The following PTPRO variants were observed in gnomAD, a reference collection of about 807,000 sequenced individuals.
PTPRO encodes the protein receptor-type tyrosine-protein phosphatase O.
A neutral mutation model predicts 145.2 loss-of-function variants in PTPRO; 62 were observed. The ratio of observed to expected loss-of-function variants is 0.43; its 90% CI spans 0.35 to 0.53. PTPRO has a LOEUF of 0.53. Ranked by LOEUF, PTPRO falls within the 20% of genes least tolerant of loss-of-function variation. The pLI is 0.01. For synonymous variants in PTPRO, 565 were observed against 514.7 expected, an observed-to-expected ratio of 1.10 and a Z score of -1.32; for missense variants, 1,345 against 1,482.7, an observed-to-expected ratio of 0.91 and a Z score of 1.53.
Position 15,477,731 on chromosome 12 carries a change from A to T in PTPRO, c.76-6243A>T, listed in dbSNP as rs75522115. Among the ~76,000 whole-genome samples the T allele has an allele frequency of 5.1e-3, 783 of 152,188 alleles. 56 individuals carry two copies. In the East Asian group the frequency reaches 0.14, roughly 27 times the overall value. On this transcript the variant is annotated intron_variant, in intron 1 of 26. Transcript: ENST00000281171. The stretch of plus-strand genomic sequence containing the variant: ...CAGCCCACCAGGACAGGGGCTGATG[A>T]CTTCACTAGACAGTCAAGTGCTCCC...
chr12:15,476,455 C>G (rs1386369631), intron 1 of PTPRO, among the ~76,000 whole-genome samples: 1 of 151,540 alleles, frequency 6.6e-6, no homozygotes, highest in Non-Finnish European at 1.5e-5. Flanking sequence ...ATTGTAGATT[C>G]TGGATATTAG....
intron 1 of PTPRO, among the ~76,000 whole-genome samples, chr12:15,468,267 G>C (rs253819): frequency 0.021 from 3,185 of 152,244 alleles, 120 homozygotes; most frequent in East Asian, 0.14. Flanking sequence ...ACATCATAAA[G>C]TTTTTGCTTC....
intron 1 of PTPRO, among the ~76,000 whole-genome samples, chr12:15,385,681 A>T (rs1368769306): frequency 6.6e-6 from 1 of 151,910 alleles, no homozygotes; most frequent in African/African-American, 2.4e-5. Flanking sequence ...CCATGGTGGC[A>T]TGTGCCTGTT....
chr12:15,578,954 C>A lies in PTPRO; in HGVS notation c.2920+11C>A. Reference sequence around the variant, plus strand: ...CAAACATCCTACCATGTAAGATCGTCAATTGTGCCAATAACACTCATGTCT... The same window carrying A: ...CAAACATCCTACCATGTAAGATCGTAAATTGTGCCAATAACACTCATGTCT... On this transcript the variant is annotated intron_variant, in intron 20 of 26. Transcript: ENST00000281171. 6.5e-7 allele frequency: 1 copy of A among 1,542,526 alleles called. No homozygotes were observed. Among genetic ancestry groups the A allele is most frequent in the Non-Finnish European group, 9.0e-7 (1 of 1,115,058 alleles).
chr12:15,336,248 T>C (rs898922755), intron 1 of PTPRO, among the ~76,000 whole-genome samples: 2 of 151,834 alleles, frequency 1.3e-5, no homozygotes, highest in Non-Finnish European at 1.5e-5. Context: ...AAAAAAGGTA[T>C]AAAACTTCCC....
intron 1 of PTPRO, among the ~76,000 whole-genome samples, chr12:15,356,948 T>C (rs769890534): frequency 6.6e-6 from 1 of 152,214 alleles, no homozygotes; most frequent in Non-Finnish European, 1.5e-5. Flanking sequence ...AGATAATTGC[T>C]GTTTTCAGCT....
intron 1 of PTPRO, among the ~76,000 whole-genome samples, chr12:15,347,609 C>T (rs996579871): frequency 6.6e-6 from 1 of 152,192 alleles, no homozygotes; most frequent in Admixed American, 6.5e-5. Flanking sequence ...TTGGCACATA[C>T]AGACACTCAG....
chr12:15,481,711 A>G (rs2136435081), intron 1 of PTPRO, among the ~76,000 whole-genome samples: 1 of 152,330 alleles, frequency 6.6e-6, no homozygotes, highest in South Asian at 2.1e-4. Context: ...TTAAGACAGA[A>G]TTAAATTTGT....
Position 15,513,149 on chromosome 12 carries a change from AAGAAAGAAAAAGAAAG to A in PTPRO, c.1465-2347_1465-2332del, listed in dbSNP as rs1942488943. On this transcript the variant is annotated intron_variant, in intron 7 of 26. Transcript: ENST00000281171. ...GAAGGAAGGAAGGAAGGAAGAAAGA[AAGAAAGAAAAAGAAAG>A]AAAGAAAGAAAGAAAGAAAGAAAGA... Among the ~76,000 whole-genome samples, 2 of 33,430 alleles carry A rather than the reference AAGAAAGAAAAAGAAAG, an allele frequency of 6.0e-5. 1 individual carries two copies. Among genetic ancestry groups the A allele is most frequent in the African/African-American group, 2.3e-4 (2 of 8,528 alleles). The allele number at this position is 33,430 out of a possible 152,430, so 21.9% of individuals were successfully genotyped here. A position where few individuals can be genotyped will look rare whatever the true frequency, so the allele number is the denominator to read the frequency against.
At chr12:15,354,058 T>C (rs1194419462) in intron 1 of PTPRO, among the ~76,000 whole-genome samples, 2 of 152,146 alleles carry the variant, frequency 1.3e-5, no homozygotes, top group Non-Finnish European at 2.9e-5. Context: ...ATGTCTATGG[T>C]GTTGGCTATT....
chr12:15,569,373 C>G lies in PTPRO; in HGVS notation c.2748-44C>G, dbSNP rs1287764010. 4.0e-6 allele frequency: 6 copies of G among 1,481,952 alleles called. No homozygotes were observed. The Admixed American group carries it at 5.0e-5, about 12-fold the overall frequency. The allele number at this position is 1,481,952 out of a possible 1,614,324, so 91.8% of individuals were successfully genotyped here. A position where few individuals can be genotyped will look rare whatever the true frequency, so the allele number is the denominator to read the frequency against. Reference sequence around the variant, plus strand: ...TTAAACAATATATAATACCTATCAACAAGAATTTTAAAATGTATGTATATT... The same window carrying G: ...TTAAACAATATATAATACCTATCAAGAAGAATTTTAAAATGTATGTATATT... On this transcript the variant is annotated intron_variant, in intron 18 of 26. Transcript: ENST00000281171.
chr12:15,386,882 C>A (rs1302435079), intron 1 of PTPRO, among the ~76,000 whole-genome samples: 1 of 152,088 alleles, frequency 6.6e-6, no homozygotes, highest in Admixed American at 6.5e-5. Flanking sequence ...GTTTCTAGAC[C>A]CAAGGCTCTT....
At chr12:15,577,371 G>A (rs999088811) in intron 19 of PTPRO, among the ~76,000 whole-genome samples, 2 of 152,200 alleles carry the variant, frequency 1.3e-5, no homozygotes, top group African/African-American at 2.4e-5. Flanking sequence ...CTAGTTAAAA[G>A]CATCAGAAGA....
intron 21 of PTPRO, 117 bp from the exon 22 acceptor site, chr12:15,580,580 G>A: frequency 1.6e-6 from 2 of 1,223,250 alleles, no homozygotes; most frequent in Non-Finnish European, 2.4e-6. Flanking sequence ...ACATAGGTGT[G>A]TGATCCTTTG....
chr12:15,413,209 G>A lies in PTPRO; in HGVS notation c.76-70765G>A, dbSNP rs1012778941. Reference sequence around the variant, plus strand: ...AGGTTCAAGCAATTCTTGTGCCTCAGCCTCCCAAGCAGCTGGGACTACAGG... The same window carrying A: ...AGGTTCAAGCAATTCTTGTGCCTCAACCTCCCAAGCAGCTGGGACTACAGG... On this transcript the variant is annotated intron_variant, in intron 1 of 26. Transcript: ENST00000281171. Among the ~76,000 whole-genome samples, 15 of 151,950 alleles carry A rather than the reference G, an allele frequency of 9.9e-5. No individual in the cohort carries two copies. In the East Asian group the frequency reaches 2.5e-3, roughly 26 times the overall value.
chr12:15,480,221 A>G (rs1941749756), intron 1 of PTPRO, among the ~76,000 whole-genome samples: 1 of 152,172 alleles, frequency 6.6e-6, no homozygotes, highest in South Asian at 2.1e-4. Context: ...AAGTATAGTA[A>G]TAATACCTGA....
intron 7 of PTPRO, among the ~76,000 whole-genome samples, chr12:15,514,034 C>A (rs1379615866): frequency 3.9e-5 from 6 of 152,258 alleles, no homozygotes; most frequent in African/African-American, 9.6e-5. Flanking sequence ...GCACCTTAAC[C>A]TTTTAGTTGA....
intron 22 of PTPRO, among the ~76,000 whole-genome samples, 196 bp downstream of exon 22, chr12:15,581,027 G>A (rs1944301514): frequency 6.6e-6 from 1 of 151,950 alleles, no homozygotes; most frequent in Non-Finnish European, 1.5e-5. Flanking sequence ...AATGTCTAAA[G>A]GAAAAAAGAG....
rs1244559893 is a variant in PTPRO at position 15,415,406 on chromosome 12, A to G, written c.76-68568A>G. Among the ~76,000 whole-genome samples, 5 of 140,690 alleles carry G rather than the reference A, an allele frequency of 3.6e-5. 1 individual carries two copies. The highest frequency in any genetic ancestry group is 7.8e-3 in the Middle Eastern group (2 of 258). The allele number at this position is 140,690 out of a possible 152,430, so 92.3% of individuals were successfully genotyped here. A position where few individuals can be genotyped will look rare whatever the true frequency, so the allele number is the denominator to read the frequency against. ...AATGAATTTTTTTTTTTTTTTTGAG[A>G]TGGAGTCTCGCTCTGTCGCCCAGGC... On this transcript the variant is annotated intron_variant, in intron 1 of 26. Coordinates refer to ENST00000281171, the MANE Select transcript of PTPRO (RefSeq NM_030667.3).
Sources: gnomAD v4.1 joint callset for allele counts (sites outside exome capture counted in the v4.1 genomes callset) on GRCh38, gnomAD v4.1.1 for gene constraint, MANE v1.5 for transcripts, NCBI Gene and HGNC (gene_info 2026-07-23, HGNC 2026-07-21) for gene names.